STARD10: variants seen among roughly 807,000 people sequenced by gnomAD.
STARD10 encodes the protein START domain-containing protein 10.
A neutral mutation model predicts 36.0 loss-of-function variants in STARD10; 24 were observed. That is an observed-to-expected ratio of 0.67 (90% CI 0.48 to 0.94). STARD10 has a LOEUF of 0.94. Among genes scored for constraint, STARD10 ranks in the 40% least tolerant of loss-of-function variants. STARD10 has a pLI of 0.00. For missense variants in STARD10, 335 were observed against 396.6 expected, an observed-to-expected ratio of 0.84 and a Z score of 1.32; for synonymous variants, 156 against 161.9, an observed-to-expected ratio of 0.96 and a Z score of 0.28.
intron 1 of STARD10, among the ~76,000 whole-genome samples, chr11:72,787,608 G>A (rs1045016481): frequency 3.9e-5 from 6 of 152,322 alleles, no homozygotes; most frequent in East Asian, 1.9e-4. Context: ...GGACACTGGC[G>A]CCTGCCAGGA....
At chr11:72,780,934 A>T (rs1858985238) in intron 2 of STARD10, 41 bp downstream of exon 2, 1 of 1,597,528 alleles carries the variant, frequency 6.3e-7, no homozygotes, top group African/African-American at 1.3e-5. Flanking sequence ...GAGAGGCAGT[A>T]AGGGTGCAGT....
chr11:72,757,967 GCA>G, intron 4 of STARD10, 83 bp from the exon 5 acceptor site: 1 of 1,119,644 alleles, frequency 8.9e-7, no homozygotes, highest in Non-Finnish European at 1.4e-6. Flanking sequence ...ACGCGCACGC[GCA>G]CACACACATA....
At chr11:72,768,796 GC>G (rs1251110557) in intron 2 of STARD10, among the ~76,000 whole-genome samples, 1 of 152,204 alleles carries the variant, frequency 6.6e-6, no homozygotes, top group African/African-American at 2.4e-5. Context: ...CAATGCTGTG[GC>G]CCCTTGCTCA....
chr11:72,782,915 T>C (rs1203899257), intron 1 of STARD10, among the ~76,000 whole-genome samples: 2 of 152,222 alleles, frequency 1.3e-5, no homozygotes, highest in Non-Finnish European at 2.9e-5. Flanking sequence ...ACGGTCATCC[T>C]GACCAGCACG....
rs1858991886 is a variant in STARD10, at chr11:72,781,199, C to A, written c.-18G>T. On this transcript the variant is annotated 5_prime_UTR_variant, in exon 2 of 7. Transcript: ENST00000334805. This position sits in a 1 kb window ranked among gnomAD's most constrained non-coding sequence, Gnocchi z 4.7. Reference sequence around the variant, plus strand: ...TTCTCCATGGGGAGTGTGGGGAGGCCCAGGGCCCTGGTCCTAGTCCGGCTC... The same window carrying A: ...TTCTCCATGGGGAGTGTGGGGAGGCACAGGGCCCTGGTCCTAGTCCGGCTC... 1 of 1,603,026 alleles carries A rather than the reference C, an allele frequency of 6.2e-7. No individual in the cohort carries two copies. Among genetic ancestry groups the A allele is most frequent in the Non-Finnish European group, 8.5e-7 (1 of 1,177,782 alleles).
At chr11:72,759,455 A>G in intron 2 of STARD10, 74 bp from the exon 3 acceptor site, 2 of 1,561,912 alleles carry the variant, frequency 1.3e-6, no homozygotes, top group Admixed American at 1.7e-5. Flanking sequence ...GAAGGCAGAC[A>G]GGCAGAGGGG....
At chr11:72,786,135 T>C (rs2135039853) in intron 1 of STARD10, among the ~76,000 whole-genome samples, 1 of 152,252 alleles carries the variant, frequency 6.6e-6, no homozygotes, top group Non-Finnish European at 1.5e-5. Context: ...GCAGACTGCA[T>C]GAGGCTAAGA....
intron 2 of STARD10, among the ~76,000 whole-genome samples, chr11:72,776,019 A>G (rs914377644): frequency 6.6e-6 from 1 of 152,152 alleles, no homozygotes; most frequent in East Asian, 1.9e-4. Flanking sequence ...AAGTCTAGAC[A>G]CTGACTACCT....
At chr11:72,765,816 CA>C (rs752801080) in intron 2 of STARD10, among the ~76,000 whole-genome samples, 274 of 117,910 alleles carry the variant, frequency 2.3e-3, no homozygotes, top group Middle Eastern at 4.0e-3. Flanking sequence ...ACTAAAAATA[CA>C]AAAAAAAAAA....
Position 72,768,938 on chromosome 11 carries a change from T to C in STARD10, c.208-9557A>G, listed in dbSNP as rs533643621. Among the ~76,000 whole-genome samples, 4 of 152,254 alleles carry C rather than the reference T, an allele frequency of 2.6e-5. No individual in the cohort carries two copies. The South Asian group carries it at 8.3e-4, about 31-fold the overall frequency. ...AGCCTGTGTGGGTTTCTCTGACTTT[T>C]AGAATGCTGGAGCCCTGGTCCGTGG... On this transcript the variant is annotated intron_variant, in intron 2 of 6. Coordinates refer to ENST00000334805, the MANE Select transcript of STARD10 (RefSeq NM_006645.3).
rs1370606296 is a variant in STARD10 at position 72,781,779 on chromosome 11, G to C, written c.-113-485C>G. On this transcript the variant is annotated intron_variant, in intron 1 of 6. Coordinates refer to ENST00000334805, the MANE Select transcript of STARD10 (RefSeq NM_006645.3). This position sits in a 1 kb window ranked among gnomAD's most constrained non-coding sequence, Gnocchi z 4.7. ...TCTGGTGGGAGGAGCAGTGGGTCCC[G>C]CCGCCCGGCCCCGCCCCGGGCCCCA... 1.3e-5 allele frequency: 2 copies of C among 149,518 alleles called. No individual in the cohort carries two copies. The highest frequency in any genetic ancestry group is 3.2e-3 in the Middle Eastern group (1 of 310). The allele number at this position is 149,518 out of a possible 1,614,324, so 9.3% of individuals were successfully genotyped here.
intron 2 of STARD10, among the ~76,000 whole-genome samples, chr11:72,768,181 G>C (rs781409180): frequency 1.3e-5 from 2 of 152,174 alleles, no homozygotes; most frequent in African/African-American, 2.4e-5. Context: ...TGGACCAGGA[G>C]AGGAGGCTCT....
chr11:72,773,871 C>A (rs1312472125), intron 2 of STARD10, among the ~76,000 whole-genome samples: 1 of 152,248 alleles, frequency 6.6e-6, no homozygotes, highest in Non-Finnish European at 1.5e-5. Flanking sequence ...AGGGTCTGAT[C>A]TGTGTGGTTT....
chr11:72,755,911 C>A, intron 5 of STARD10, 158 bp from the exon 6 acceptor site: 1 of 618,550 alleles, frequency 1.6e-6, no homozygotes. Flanking sequence ...ACCCTCACTC[C>A]CTTCCACCTC....
At chr11:72,766,168 T>C (rs1441254901) in intron 2 of STARD10, 1 of 152,226 alleles carries the variant, frequency 6.6e-6, no homozygotes, top group East Asian at 1.9e-4. Context: ...TGAGTAGCCA[T>C]GCACCCTTCC....
At chr11:72,759,027 T>C (rs999513186) in intron 3 of STARD10, among the ~76,000 whole-genome samples, 9 of 152,170 alleles carry the variant, frequency 5.9e-5, no homozygotes, top group South Asian at 2.1e-4. Flanking sequence ...TACGTGAACA[T>C]GTGAGTGCAT....
intron 2 of STARD10, among the ~76,000 whole-genome samples, chr11:72,775,546 A>G (rs1858919707): frequency 6.6e-6 from 1 of 152,142 alleles, no homozygotes. Flanking sequence ...CGACACGATC[A>G]AACTTGTAAT....
intron 1 of STARD10, among the ~76,000 whole-genome samples, chr11:72,791,638 G>A (rs1295186976): frequency 4.0e-5 from 6 of 151,650 alleles, no homozygotes; most frequent in Admixed American, 2.0e-4. Context: ...AGGAGGCGGA[G>A]GTTGCAGTGA....
chr11:72,755,378 T>C (rs1453931478), intron 6 of STARD10: 1 of 570,586 alleles, frequency 1.8e-6, no homozygotes, highest in South Asian at 2.0e-5. Context: ...TGGCATGATA[T>C]CGGCTCACTG....
Sources: gnomAD v4.1 joint callset for allele counts (sites outside exome capture counted in the v4.1 genomes callset) on GRCh38, gnomAD v4.1.1 for gene constraint, Gnocchi (gnomAD v3.1) non-coding constraint, MANE v1.5 for transcripts, NCBI Gene and HGNC (gene_info 2026-07-23, HGNC 2026-07-21) for gene names.